RPSA2: variants seen among roughly 807,000 people sequenced by gnomAD.
RPSA2 encodes the protein ribosomal protein SA 2, also known as small ribosomal subunit protein uS2B.
chr19:23,794,536 C>G, the RPSA2 span, among the ~76,000 whole-genome samples: 1,334 of 151,802 alleles, frequency 8.8e-3, 6 homozygotes, highest in Middle Eastern at 0.034. Flanking sequence ...TTAGTGAGGT[C>G]TTTTTTTTCT....
At chr19:23,788,601 A>C in the RPSA2 span, among the ~76,000 whole-genome samples, 1 of 152,062 alleles carries the variant, frequency 6.6e-6, no homozygotes. Flanking sequence ...CTTTTCATTC[A>C]TCACCTAGGT....
the RPSA2 span, among the ~76,000 whole-genome samples, chr19:23,794,896 C>T: frequency 6.6e-6 from 1 of 152,122 alleles, no homozygotes; most frequent in Non-Finnish European, 1.5e-5. Context: ...CTTCTACATA[C>T]TGCTAGCTAG....
the RPSA2 span, among the ~76,000 whole-genome samples, chr19:23,855,248 C>G: frequency 2.6e-5 from 4 of 152,136 alleles, no homozygotes; most frequent in African/African-American, 9.7e-5. Context: ...AGCCTGCAGA[C>G]GGGCCTTCTC....
At chr19:23,803,963 C>T in the RPSA2 span, among the ~76,000 whole-genome samples, 1 of 151,992 alleles carries the variant, frequency 6.6e-6, no homozygotes. Context: ...ATGCTGGGTT[C>T]TTATTCTAAA....
At chr19:23,866,445 A>C in the RPSA2 span, among the ~76,000 whole-genome samples, 1 of 152,174 alleles carries the variant, frequency 6.6e-6, no homozygotes, top group Non-Finnish European at 1.5e-5. Flanking sequence ...ATAATTATGG[A>C]AAAACTGGAC....
At chr19:23,790,073 C>T in the RPSA2 span, among the ~76,000 whole-genome samples, 3 of 152,154 alleles carry the variant, frequency 2.0e-5, no homozygotes, top group South Asian at 6.2e-4. Flanking sequence ...GATCTGGGCC[C>T]ACTGCAACCT....
chr19:23,811,152 G>A, the RPSA2 span, among the ~76,000 whole-genome samples: 1 of 151,862 alleles, frequency 6.6e-6, no homozygotes, highest in South Asian at 2.1e-4. Flanking sequence ...CCGAGTAGCT[G>A]GGATTACAGG....
chr19:23,802,792 A>G, the RPSA2 span, among the ~76,000 whole-genome samples: 1 of 152,206 alleles, frequency 6.6e-6, no homozygotes, highest in Non-Finnish European at 1.5e-5. Flanking sequence ...TATCAACTGG[A>G]TAAATGATTT....
chr19:23,833,162 C>A, the RPSA2 span: 2 of 1,196,314 alleles, frequency 1.7e-6, no homozygotes, highest in African/African-American at 1.6e-5. Context: ...TGTGCCAATG[C>A]CTTTTCCTGG....
the RPSA2 span, among the ~76,000 whole-genome samples, chr19:23,774,565 G>A: frequency 6.6e-6 from 1 of 152,174 alleles, no homozygotes; most frequent in Non-Finnish European, 1.5e-5. Flanking sequence ...GGTAACATGA[G>A]TCTCCTGTAT....
the RPSA2 span, among the ~76,000 whole-genome samples, chr19:23,814,683 C>A: frequency 1.3e-5 from 2 of 152,066 alleles, no homozygotes; most frequent in African/African-American, 4.8e-5. Context: ...CTTTGAAAAA[C>A]TATTATTTTT....
At chr19:23,802,479 C>G in the RPSA2 span, among the ~76,000 whole-genome samples, 1 of 152,190 alleles carries the variant, frequency 6.6e-6, no homozygotes, top group East Asian at 1.9e-4. Context: ...CTCACAATCA[C>G]CCAGGCATCT....
At chr19:23,850,774 C>T in the RPSA2 span, among the ~76,000 whole-genome samples, 1 of 152,022 alleles carries the variant, frequency 6.6e-6, no homozygotes, top group South Asian at 2.1e-4. Context: ...TGGCTTTCAG[C>T]TGCAGTCAGA....
At chr19:23,779,288 CTG>C in the RPSA2 span, among the ~76,000 whole-genome samples, 1 of 152,166 alleles carries the variant, frequency 6.6e-6, no homozygotes, top group Non-Finnish European at 1.5e-5. Context: ...GCGTGAGCCA[CTG>C]CGCCCGGCCA....
chr19:23,772,635 A>G, the RPSA2 span, among the ~76,000 whole-genome samples: 1 of 152,184 alleles, frequency 6.6e-6, no homozygotes, highest in Non-Finnish European at 1.5e-5. Flanking sequence ...ATCCCAGGGC[A>G]CAGCACAAAA....
the RPSA2 span, chr19:23,827,137 C>T: frequency 1.2e-4 from 94 of 768,322 alleles, no homozygotes; most frequent in African/African-American, 7.6e-4. Flanking sequence ...GGATTCCCGT[C>T]GTAACTTAAA....
chr19:23,768,061 G>A, the RPSA2 span, among the ~76,000 whole-genome samples: 15 of 152,152 alleles, frequency 9.9e-5, no homozygotes, highest in African/African-American at 1.9e-4. Context: ...CACCACGCCC[G>A]GCCCAATTTC....
At chr19:23,867,047 GA>G in the RPSA2 span, among the ~76,000 whole-genome samples, 4 of 152,282 alleles carry the variant, frequency 2.6e-5, no homozygotes, top group African/African-American at 9.6e-5. Context: ...CCTTCTGCAT[GA>G]AAGGAGAAAT....
chr19:23,826,436 A>G, the RPSA2 span, among the ~76,000 whole-genome samples: 1 of 151,818 alleles, frequency 6.6e-6, no homozygotes, highest in African/African-American at 2.4e-5. Context: ...TAGGTAATCT[A>G]TCTGCCTCAG....
Sources: gnomAD v4.1 joint callset for allele counts (sites outside exome capture counted in the v4.1 genomes callset) on GRCh38, gnomAD v4.1.1 for gene constraint, MANE v1.5 for transcripts, NCBI Gene and HGNC (gene_info 2026-07-23, HGNC 2026-07-21) for gene names.